The following ABI2 variants were observed in gnomAD, a reference collection of about 807,000 sequenced individuals.
The protein encoded by ABI2 is abl interactor 2.
A neutral mutation model predicts 59.2 loss-of-function variants in ABI2; 25 were observed. The ratio of observed to expected loss-of-function variants is 0.42; its 90% confidence interval spans 0.31 to 0.59. The LOEUF (loss-of-function observed/expected upper bound fraction) is 0.59, where lower values mean the gene tolerates loss of function less well. Ranked by LOEUF, ABI2 falls within the 20% of genes least tolerant of loss-of-function variation. The pLI is 0.14. For missense variants in ABI2, 545 were observed against 681.8 expected (o/e 0.80, Z 2.23); for synonymous variants, 213 against 235.5 (o/e 0.90, Z 0.87).
intron 6 of ABI2, 54 bp downstream of exon 6, chr2:203,394,900 C>T: frequency 6.4e-7 from 1 of 1,569,338 alleles, no homozygotes; most frequent in Non-Finnish European, 8.7e-7. Flanking sequence ...ATAATCTGTT[C>T]AGATTACTTC....
intron 3 of ABI2, among the ~76,000 whole-genome samples, 200 bp downstream of exon 3, chr2:203,380,584 T>G (rs910866401): frequency 6.6e-6 from 1 of 152,184 alleles, no homozygotes; most frequent in Admixed American, 6.5e-5. Context: ...TTTTAAACAG[T>G]CATCTTTGAA....
chr2:203,385,189 G>T (rs1160342266), intron 4 of ABI2, among the ~76,000 whole-genome samples: 2 of 133,024 alleles, frequency 1.5e-5, no homozygotes, highest in Non-Finnish European at 3.2e-5. Context: ...GGAGTGCAGT[G>T]GTGCCATCTT....
chr2:203,328,623 T>A lies in ABI2; in HGVS notation c.109T>A (p.Tyr37Asn). 6.3e-7 allele frequency: 1 copy of A among 1,591,214 alleles called. No individual in the cohort carries two copies. Among genetic ancestry groups the A allele is most frequent in the Non-Finnish European group, 8.5e-7 (1 of 1,169,832 alleles). Residue 37 changes from tyrosine (Y) to asparagine (N), a missense_variant, in exon 1 of 12, where the codon TAC becomes AAC. Around this residue, in one of 4 missense-constraint regions of ABI2, gnomAD observed 55 missense variants for 59.7 expected, o/e 0.92. Transcript: ENST00000261018. ...ERVADYCENN[Y>N]IQSADKQRAL... The stretch of plus-strand genomic sequence containing the variant: ...GGTGGCCGATTACTGCGAGAACAAC[T>A]ACATACAGGTGCGAAGCATCCCCAG...
rs111338287 is a variant in ABI2 at position 203,349,669 on chromosome 2, T to C, written c.118-17208T>C. ...ATCCGCCTGCCTTGGCCTCCCAAAG[T>C]GGTGGGATTACAGGTGTGAGCCACT... On this transcript the variant is annotated intron_variant, in intron 1 of 11. Transcript: ENST00000261018. 5.3e-3 allele frequency among the ~76,000 whole-genome samples: 811 copies of C among 151,974 alleles called. 9 individuals carry two copies. The highest frequency in any genetic ancestry group is 0.018 in the African/African-American group (736 of 41,470).
chr2:203,342,661 C>G lies in ABI2; in HGVS notation c.117+14030C>G, dbSNP rs921417494. 1.3e-5 allele frequency among the ~76,000 whole-genome samples: 2 copies of G among 151,790 alleles called. 1 individual carries two copies. Among genetic ancestry groups the G allele is most frequent in the Non-Finnish European group, 2.9e-5 (2 of 67,996 alleles). On this transcript the variant is annotated intron_variant, in intron 1 of 11. Coordinates refer to ENST00000261018, the MANE Select transcript of ABI2 (RefSeq NM_001375670.1). ...GTGGCGTGATCTCAGCTCACTGCAG[C>G]CTCTGCCTCCTGGTCTCAGGCACTC...
At position 203,430,327 on chromosome 2, in the gene ABI2, A is replaced by C. The variant is rs184042902; in HGVS notation, c.*2975A>C. The C allele has an allele frequency of 1.2e-4, 18 of 152,288 alleles. No homozygotes were observed. The highest frequency in any genetic ancestry group is 4.3e-4 in the African/African-American group (18 of 41,554). 9.4% of individuals were successfully genotyped at this position (152,288 alleles called of 1,614,324 possible). On this transcript the variant is annotated 3_prime_UTR_variant, in exon 12 of 12. Coordinates refer to ENST00000261018, the MANE Select transcript of ABI2 (RefSeq NM_001375670.1). ...AAGTCCAAAATCTGACCAATAAAGC[A>C]ACCATTTTATCAAGATAGAGGGATT...
At position 203,395,448 on chromosome 2, in the gene ABI2, T is replaced by TATACACAC. The variant is rs750379504; in HGVS notation, c.726-207_726-206insTACACACA. Among the ~76,000 whole-genome samples the TATACACAC allele has an allele frequency of 3.7e-3, 429 of 115,296 alleles. 2 individuals carry two copies. The highest frequency in any genetic ancestry group is 5.2e-3 in the Middle Eastern group (1 of 194). The allele number at this position is 115,296 out of a possible 152,430, so 75.6% of individuals were successfully genotyped here. On this transcript the variant is annotated intron_variant, in intron 6 of 11. Coordinates refer to ENST00000261018, the MANE Select transcript of ABI2 (RefSeq NM_001375670.1). Reference sequence around the variant, plus strand: ...TAATAAGTAAATATATATATATATATACACACACACACACACACACACACA... The same window carrying TATACACAC: ...TAATAAGTAAATATATATATATATATATACACACACACACACACACACACACACACACA...
At chr2:203,330,759 G>C (rs191188366) in intron 1 of ABI2, among the ~76,000 whole-genome samples, 8 of 152,272 alleles carry the variant, frequency 5.3e-5, no homozygotes, top group Admixed American at 3.3e-4. Context: ...AAAATAAACA[G>C]ATTTCTCTCT....
chr2:203,403,953 A>G (rs1015347317), intron 9 of ABI2, among the ~76,000 whole-genome samples: 2 of 151,712 alleles, frequency 1.3e-5, no homozygotes, highest in Non-Finnish European at 2.9e-5. Context: ...GGGTTTCACT[A>G]TGTTGGCCAG....
chr2:203,391,945 G>C (rs1258734637), intron 5 of ABI2, among the ~76,000 whole-genome samples: 8 of 152,002 alleles, frequency 5.3e-5, no homozygotes, highest in Non-Finnish European at 1.2e-4. Context: ...CTAGAGCATC[G>C]TATTATAAAC....
intron 2 of ABI2, among the ~76,000 whole-genome samples, chr2:203,378,231 G>GC (rs1408652992): frequency 1.3e-5 from 2 of 151,604 alleles, no homozygotes; most frequent in East Asian, 3.9e-4. Flanking sequence ...TCCTGCCTCA[G>GC]CCCCCCAAGT....
At position 203,347,685 on chromosome 2, in the gene ABI2, T is replaced by C. The variant is rs561450277; in HGVS notation, c.117+19054T>C. On this transcript the variant is annotated intron_variant, in intron 1 of 11. Coordinates refer to ENST00000261018, the MANE Select transcript of ABI2 (RefSeq NM_001375670.1). The stretch of plus-strand genomic sequence containing the variant: ...ATATTTTTATAATACTTTAGGTTTA[T>C]TCTGCACAGGCAAACTGTGTATTAT... 6.6e-4 allele frequency among the ~76,000 whole-genome samples: 101 copies of C among 152,240 alleles called. 1 individual carries two copies. The highest frequency in any genetic ancestry group is 1.2e-3 in the Non-Finnish European group (84 of 68,046).
intron 1 of ABI2, among the ~76,000 whole-genome samples, chr2:203,337,143 C>T (rs1420010204): frequency 6.6e-6 from 1 of 152,092 alleles, no homozygotes; most frequent in Non-Finnish European, 1.5e-5. Context: ...ACTAGAAGTC[C>T]TAGCCAGCCA....
intron 1 of ABI2, among the ~76,000 whole-genome samples, chr2:203,352,345 T>TA (rs913926140): frequency 6.6e-6 from 1 of 151,946 alleles, no homozygotes; most frequent in Non-Finnish European, 1.5e-5. Flanking sequence ...TCCTACTTAT[T>TA]AAAAAAAAGT....
chr2:203,388,031 GTTTAAC>G (rs1374895282), intron 4 of ABI2, among the ~76,000 whole-genome samples: 24 of 152,058 alleles, frequency 1.6e-4, no homozygotes, highest in African/African-American at 5.1e-4. Flanking sequence ...CTGAAATATA[GTTTAAC>G]TTTAATTATA....
Position 203,357,956 on chromosome 2 carries a change from A to T in ABI2, c.118-8921A>T, listed in dbSNP as rs774227777. Among the ~76,000 whole-genome samples the T allele has an allele frequency of 8.2e-4, 123 of 149,590 alleles. 4 individuals carry two copies. Among genetic ancestry groups the T allele is most frequent in the Non-Finnish European group, 2.5e-4 (17 of 67,426 alleles). On this transcript the variant is annotated intron_variant, in intron 1 of 11. Transcript: ENST00000261018. ...GCTAATTTTTGTATTTTTAGTAGAG[A>T]TGAGGTTTCACCATATTGACCAGGC...
chr2:203,362,772 C>A (rs1380518569), intron 1 of ABI2, among the ~76,000 whole-genome samples: 1 of 151,728 alleles, frequency 6.6e-6, no homozygotes, highest in Non-Finnish European at 1.5e-5. Context: ...GGTGATCCAC[C>A]TGGCTTGGCC....
chr2:203,365,785 A>G (rs2152985511), intron 1 of ABI2, among the ~76,000 whole-genome samples: 1 of 151,708 alleles, frequency 6.6e-6, no homozygotes, highest in Non-Finnish European at 1.5e-5. Flanking sequence ...GCCCGCCACC[A>G]TGCCTGGCTA....
chr2:203,372,532 G>C (rs1333505244), intron 2 of ABI2, among the ~76,000 whole-genome samples: 6 of 150,818 alleles, frequency 4.0e-5, no homozygotes, highest in Non-Finnish European at 8.9e-5. Flanking sequence ...TCATCTCCCA[G>C]ACGGGGCGGC....
Sources: allele counts gnomAD v4.1 joint callset (sites outside exome capture counted in the v4.1 genomes callset), GRCh38; gene constraint gnomAD v4.1.1; regional missense constraint gnomAD v4.1.1; transcripts MANE v1.5; gene names NCBI Gene and HGNC (gene_info 2026-07-23, HGNC 2026-07-21).